The following C4orf51 variants were observed in gnomAD, a reference collection of about 807,000 sequenced individuals.
The protein encoded by C4orf51 is uncharacterized protein C4orf51.
In C4orf51, 25 loss-of-function variants were observed where a neutral mutation model predicts 25.2. The ratio of observed to expected loss-of-function variants is 0.99; its 90% CI spans 0.72 to 1.39. The LOEUF is 1.39. C4orf51 is among the 40% of genes most tolerant of loss of function. The probability of loss-of-function intolerance (pLI) is 0.00; values close to 1 mark genes in which losing one functional copy is unlikely to be tolerated. For synonymous variants in C4orf51, 100 were observed against 84.5 expected (o/e 1.18, Z -1.01); for missense variants, 252 against 239.6 (o/e 1.05, Z -0.34).
chr4:145,733,291 C>G (rs1732605085), downstream of C4orf51, among the ~76,000 whole-genome samples: 1 of 152,190 alleles, frequency 6.6e-6, no homozygotes, highest in African/African-American at 2.4e-5. Context: ...CACAGGCCGC[C>G]TCCGCCGCCT....
chr4:145,761,462 G>T lies in C4orf51; in HGVS notation n.167-9526G>T. On this transcript the variant is annotated intron_variant and non_coding_transcript_variant, in intron 1 of 1. Transcript: ENST00000510096. This position sits in a 1 kb window ranked among gnomAD's most constrained non-coding sequence, Gnocchi z 6.8. Reference sequence around the variant, plus strand: ...TAGTGGTTGCCCAGGCGGTGCTCCCGGGTGTGCGTCTCCAGCTCCAGCTGG... The same window carrying T: ...TAGTGGTTGCCCAGGCGGTGCTCCCTGGTGTGCGTCTCCAGCTCCAGCTGG... The T allele has an allele frequency of 7.8e-7, 1 of 1,289,816 alleles. No individual in the cohort carries two copies. Among genetic ancestry groups the T allele is most frequent in the Non-Finnish European group, 1.0e-6 (1 of 988,860 alleles). 79.9% of individuals were successfully genotyped at this position (1,289,816 alleles called of 1,614,324 possible). A position where few individuals can be genotyped will look rare whatever the true frequency, so the allele number is the denominator to read the frequency against.
chr4:145,781,691 C>T, the C4orf51 span, among the ~76,000 whole-genome samples: 8 of 152,178 alleles, frequency 5.3e-5, no homozygotes, highest in Non-Finnish European at 1.0e-4. Context: ...TACTCTTAAA[C>T]AGCTGTCCTT....
At chr4:145,691,565 G>A (rs1729562620) in intron 1 of C4orf51, among the ~76,000 whole-genome samples, 1 of 152,168 alleles carries the variant, frequency 6.6e-6, no homozygotes, top group South Asian at 2.1e-4. Context: ...GTGGTGGATT[G>A]GATAAAGAAA....
At chr4:145,749,473 G>A (rs1579033203) in intron 1 of C4orf51, among the ~76,000 whole-genome samples, 1 of 151,420 alleles carries the variant, frequency 6.6e-6, no homozygotes, top group Non-Finnish European at 1.5e-5. Flanking sequence ...TTGTTTTGTG[G>A]TCTTCCTTCT....
chr4:145,763,829 C>A lies in C4orf51; in HGVS notation n.167-7159C>A, dbSNP rs531334497. On this transcript the variant is annotated intron_variant and non_coding_transcript_variant, in intron 1 of 1. Coordinates refer to the C4orf51 transcript ENST00000510096. This position sits in a 1 kb window ranked among gnomAD's most constrained non-coding sequence, Gnocchi z 4.6. ...TACTGGTTTCCTTGAATTATAATCA[C>A]CCCCTCCCCAATCCCTTCTGCCCTC... Among the ~76,000 whole-genome samples, 7 of 152,192 alleles carry A rather than the reference C, an allele frequency of 4.6e-5. No homozygotes were observed. Among genetic ancestry groups the A allele is most frequent in the Admixed American group, 2.6e-4 (4 of 15,284 alleles).
At chr4:145,703,618 A>T (rs546152542) in intron 2 of C4orf51, among the ~76,000 whole-genome samples, 5 of 152,026 alleles carry the variant, frequency 3.3e-5, no homozygotes, top group Non-Finnish European at 7.4e-5. Flanking sequence ...ATGTAGTTCC[A>T]TTTGTTTATT....
In C4orf51 at chr4:145,753,140, T is replaced by TTGTGTGTGTG. The variant is rs57325282; in HGVS notation, n.168-1037_168-1028dup. Among the ~76,000 whole-genome samples the TTGTGTGTGTG allele has an allele frequency of 1.4e-3, 198 of 145,860 alleles. 1 individual carries two copies. The Middle Eastern group carries it at 0.014, about 10-fold the overall frequency. ...CTGATTTTTGGTCTTTATGAAGGTT[T>TTGTGTGTGTG]TGTGTGTGTGTGTGTGTGTGTGTGT... On this transcript the variant is annotated intron_variant and non_coding_transcript_variant, in intron 1 of 1. Transcript: ENST00000508981.
At chr4:145,741,952 C>T (rs985127842) in intron 1 of C4orf51, among the ~76,000 whole-genome samples, 2 of 152,212 alleles carry the variant, frequency 1.3e-5, no homozygotes, top group South Asian at 2.1e-4. Flanking sequence ...CCGCCTGCCT[C>T]GGCCTCCCAA....
rs542526462 is a variant in C4orf51 at position 145,747,991 on chromosome 4, C to T, written n.168-6216C>T. ...TGGTAGAATTCAGCAGTGAAGCCAT[C>T]ATGTCTCAGGCTTTTTTTTGCTGTG... On this transcript the variant is annotated intron_variant and non_coding_transcript_variant, in intron 1 of 1. Coordinates refer to the C4orf51 transcript ENST00000508981. 4.6e-5 allele frequency among the ~76,000 whole-genome samples: 7 copies of T among 152,214 alleles called. No individual in the cohort carries two copies. The South Asian group carries it at 1.5e-3, about 32-fold the overall frequency.
downstream of C4orf51, among the ~76,000 whole-genome samples, chr4:145,736,760 T>C (rs2126786222): frequency 6.6e-6 from 1 of 152,312 alleles, no homozygotes; most frequent in South Asian, 2.1e-4. Flanking sequence ...TGGCAGCTGC[T>C]CTTTTTCTGG....
At position 145,731,564 on chromosome 4, in the gene C4orf51, C is replaced by CTTTT. The variant is rs398051305; in HGVS notation, c.502-859_502-856dup. ...TTTTTATTTATGAGACAAGGCAAAT[C>CTTTT]TTTTTTTTTTTTTTTTTTTTTTTTT... On this transcript the variant is annotated intron_variant, in intron 5 of 5. Coordinates refer to ENST00000438731, the MANE Select transcript of C4orf51 (RefSeq NM_001080531.3). Among the ~76,000 whole-genome samples, 27 of 43,876 alleles carry CTTTT rather than the reference C, an allele frequency of 6.2e-4. 2 individuals are homozygous for CTTTT. The highest frequency in any genetic ancestry group is 1.6e-3 in the Admixed American group (4 of 2,572). 28.8% of individuals were successfully genotyped at this position (43,876 alleles called of 152,430 possible).
rs1358569117 is a variant in C4orf51 at position 145,762,219 on chromosome 4, G to A, written n.167-8769G>A. On this transcript the variant is annotated intron_variant and non_coding_transcript_variant, in intron 1 of 1. Transcript: ENST00000510096. The surrounding 1 kb of genome is among the most constrained non-coding windows in gnomAD (Gnocchi z 4.9). ...TGCATGTGTACATATCTATGTACTC[G>A]TAAAACATATCTCCCTACAGGACTA... is the stretch of plus-strand genomic sequence containing the variant. Among the ~76,000 whole-genome samples, 3 of 152,088 alleles carry A rather than the reference G, an allele frequency of 2.0e-5. No individual in the cohort carries two copies. Among genetic ancestry groups the A allele is most frequent in the African/African-American group, 2.4e-5 (1 of 41,396 alleles).
At chr4:145,769,451 T>C (rs1735913671) in intron 1 of C4orf51, among the ~76,000 whole-genome samples, 2 of 152,240 alleles carry the variant, frequency 1.3e-5, no homozygotes, top group Non-Finnish European at 2.9e-5. Context: ...AATTAAAACA[T>C]ATTAATTTCA....
downstream of C4orf51, among the ~76,000 whole-genome samples, chr4:145,773,125 C>A (rs1356584350): frequency 1.3e-5 from 2 of 152,186 alleles, no homozygotes; most frequent in Non-Finnish European, 2.9e-5. Context: ...AAAAGACTAT[C>A]TGAAAAGCCA....
At chr4:145,683,459 A>T (rs985587670) in intron 1 of C4orf51, among the ~76,000 whole-genome samples, 1 of 152,192 alleles carries the variant, frequency 6.6e-6, no homozygotes, top group Non-Finnish European at 1.5e-5. Context: ...GATATTGAAG[A>T]AGAACATAGA....
chr4:145,749,882 C>T (rs998488018), intron 1 of C4orf51, among the ~76,000 whole-genome samples: 1 of 152,126 alleles, frequency 6.6e-6, no homozygotes, highest in African/African-American at 2.4e-5. Context: ...GATCTGCCCG[C>T]CTCGGCCTCC....
intron 2 of C4orf51, among the ~76,000 whole-genome samples, chr4:145,701,032 TA>T (rs1203963974): frequency 6.6e-6 from 1 of 152,112 alleles, no homozygotes; most frequent in African/African-American, 2.4e-5. Flanking sequence ...TCATCAGATA[TA>T]AAAACCCAGC....
intron 1 of C4orf51, among the ~76,000 whole-genome samples, chr4:145,740,633 A>C (rs1423211538): frequency 6.6e-6 from 1 of 152,222 alleles, no homozygotes; most frequent in East Asian, 1.9e-4. Flanking sequence ...TGTGACAAGT[A>C]TCTAGCAGAT....
rs1308490555 is a variant in C4orf51 at position 145,702,889 on chromosome 4, C to A, written c.307+6257C>A. ...CCCTTACCACAAGACCTCCCTTCAGCTTAATCTCTCCCACTCTAGGTTCCC... is the reference window on the plus strand; with the variant it reads ...CCCTTACCACAAGACCTCCCTTCAGATTAATCTCTCCCACTCTAGGTTCCC... On this transcript the variant is annotated intron_variant, in intron 2 of 5. Transcript: ENST00000438731. 2.6e-5 allele frequency among the ~76,000 whole-genome samples: 4 copies of A among 151,670 alleles called. No homozygotes were observed. The South Asian group carries it at 6.3e-4, about 24-fold the overall frequency.
Sources: gnomAD v4.1 joint callset for allele counts (sites outside exome capture counted in the v4.1 genomes callset) on GRCh38, gnomAD v4.1.1 for gene constraint, Gnocchi (gnomAD v3.1) non-coding constraint, MANE v1.5 for transcripts, NCBI Gene and HGNC (gene_info 2026-07-23, HGNC 2026-07-21) for gene names.